The following CCDC171 variants were observed in gnomAD, a reference collection of about 807,000 sequenced individuals.
CCDC171 encodes coiled-coil domain-containing protein 171.
CCDC171 carries 177 observed loss-of-function variants against 168.2 expected under a neutral mutation model. The ratio of observed to expected loss-of-function variants is 1.05; its 90% CI spans 0.93 to 1.19. The LOEUF (loss-of-function observed/expected upper bound fraction) is 1.19, where lower values mean the gene tolerates loss of function less well. Ranked by LOEUF, CCDC171 falls within the 50% of genes most tolerant of loss-of-function variation. The probability of loss-of-function intolerance (pLI) is 0.00; values close to 1 mark genes in which losing one functional copy is unlikely to be tolerated. For synonymous variants in CCDC171, 687 were observed against 540.8 expected (o/e 1.27, Z -3.75); for missense variants, 1,991 against 1,539.0 (o/e 1.29, Z -4.91).
intron 25 of CCDC171, among the ~76,000 whole-genome samples, chr9:15,959,914 C>G (rs983451977): frequency 2.0e-5 from 3 of 152,118 alleles, no homozygotes; most frequent in Non-Finnish European, 2.9e-5. Flanking sequence ...TTTCAGATGA[C>G]AGAAAGGGAA....
At chr9:16,037,196 A>G (rs768257297) in intron 8 of CCDC171, among the ~76,000 whole-genome samples, 1 of 152,238 alleles carries the variant, frequency 6.6e-6, no homozygotes, top group Admixed American at 6.5e-5. Context: ...TGAATATTCT[A>G]TTTACCCTGA....
intron 24 of CCDC171, among the ~76,000 whole-genome samples, chr9:15,902,488 C>G (rs931098192): frequency 2.0e-5 from 3 of 152,040 alleles, no homozygotes; most frequent in Admixed American, 6.5e-5. Flanking sequence ...AACATGAATT[C>G]CCTGATTTAG....
At position 15,784,554 on chromosome 9, in the gene CCDC171, AAT is replaced by A; in HGVS notation, c.3129_3130del (p.Asn1043LysfsTer15). 6.2e-7 allele frequency: 1 copy of A among 1,613,356 alleles called. No individual in the cohort carries two copies. Among genetic ancestry groups the A allele is most frequent in the Non-Finnish European group, 8.5e-7 (1 of 1,179,518 alleles). Reference sequence around the variant, plus strand: ...GTTTGAAAGTGCATGTGAAGAACTAAATAATGCATTACTTCGGGAAGAGCAGG... The same window carrying A: ...GTTTGAAAGTGCATGTGAAGAACTAAAATGCATTACTTCGGGAAGAGCAGG... ...EKFESACEEL[N>X]NALLREEQAQ... On this transcript the variant is annotated frameshift_variant, in exon 21 of 26. Transcript: ENST00000380701. LOFTEE classifies it high-confidence loss of function.
intron 11 of CCDC171, among the ~76,000 whole-genome samples, chr9:15,710,543 C>T (rs1282034041): frequency 1.3e-4 from 20 of 151,868 alleles, no homozygotes; most frequent in Admixed American, 7.2e-4. Flanking sequence ...CCTCATGATC[C>T]GCCCGCCTCG....
At chr9:15,808,135 T>C (rs2059161032) in intron 21 of CCDC171, among the ~76,000 whole-genome samples, 1 of 152,098 alleles carries the variant, frequency 6.6e-6, no homozygotes, top group Admixed American at 6.5e-5. Context: ...TTTGTGAAGC[T>C]GGCAAACTCA....
At chr9:15,794,183 G>A (rs1350012545) in intron 21 of CCDC171, among the ~76,000 whole-genome samples, 2 of 152,110 alleles carry the variant, frequency 1.3e-5, no homozygotes, top group Admixed American at 6.6e-5. Flanking sequence ...AAAAATCATG[G>A]ACCGGGCATA....
At chr9:16,104,358 C>G in the CCDC171 span, among the ~76,000 whole-genome samples, 1 of 152,110 alleles carries the variant, frequency 6.6e-6, no homozygotes, top group African/African-American at 2.4e-5. Context: ...CCTTTCTCTT[C>G]CAGCTGCCCG....
rs575077457 is a variant in CCDC171 at position 15,808,524 on chromosome 9, G to A, written c.3267+23830G>A. 7.2e-5 allele frequency among the ~76,000 whole-genome samples: 11 copies of A among 152,306 alleles called. No individual in the cohort carries two copies. In the South Asian group the frequency reaches 2.3e-3, roughly 32 times the overall value. ...GAAGAAGGGAGAGTGCTAGTAGACT[G>A]GGTGATCAGTGAATGGTCATATAAT... On this transcript the variant is annotated intron_variant, in intron 21 of 25. Coordinates refer to ENST00000380701, the MANE Select transcript of CCDC171 (RefSeq NM_173550.4).
chr9:15,968,089 A>T (rs1233189538), intron 25 of CCDC171, among the ~76,000 whole-genome samples: 3 of 152,210 alleles, frequency 2.0e-5, no homozygotes, highest in Non-Finnish European at 4.4e-5. Context: ...TAGTAGACAC[A>T]TTTTGTATTG....
chr9:15,649,729 C>T (rs1263764115), intron 7 of CCDC171, among the ~76,000 whole-genome samples: 1 of 152,096 alleles, frequency 6.6e-6, no homozygotes, highest in Non-Finnish European at 1.5e-5. Flanking sequence ...GAATGGCAAT[C>T]ATTAAAAAGT....
intron 6 of CCDC171, among the ~76,000 whole-genome samples, chr9:16,028,484 T>TA (rs1189811241): frequency 8.5e-5 from 13 of 152,188 alleles, no homozygotes; most frequent in Admixed American, 7.2e-4. Flanking sequence ...AGATGAAATA[T>TA]AAGACACCCA....
intron 6 of CCDC171, among the ~76,000 whole-genome samples, chr9:16,025,678 A>G (rs1313400470): frequency 2.0e-5 from 3 of 152,230 alleles, no homozygotes; most frequent in Non-Finnish European, 4.4e-5. Flanking sequence ...CTAAGTGAAA[A>G]AAACTAGTCA....
At chr9:15,604,192 G>C (rs2043063153) in intron 6 of CCDC171, among the ~76,000 whole-genome samples, 1 of 151,646 alleles carries the variant, frequency 6.6e-6, no homozygotes, top group African/African-American at 2.4e-5. Flanking sequence ...CTCCCATTCT[G>C]TAGGTTGCCT....
intron 7 of CCDC171, among the ~76,000 whole-genome samples, chr9:15,645,719 C>A (rs141115772): frequency 1.6e-3 from 249 of 152,200 alleles, no homozygotes; most frequent in African/African-American, 5.7e-3. Context: ...AAGAAACGAA[C>A]GGAACGTCCA....
At chr9:15,808,983 G>A (rs776721760) in intron 21 of CCDC171, among the ~76,000 whole-genome samples, 6 of 152,012 alleles carry the variant, frequency 3.9e-5, no homozygotes, top group South Asian at 2.1e-4. Flanking sequence ...GGTGGAAAGC[G>A]GCAAGGCAGC....
chr9:15,612,645 A>C (rs1189514014), intron 6 of CCDC171, among the ~76,000 whole-genome samples: 2 of 150,962 alleles, frequency 1.3e-5, no homozygotes, highest in African/African-American at 4.9e-5. Flanking sequence ...AGTTTTGACT[A>C]TTTTCTTGGT....
the CCDC171 span, among the ~76,000 whole-genome samples, chr9:16,102,566 C>T: frequency 1.3e-5 from 2 of 152,230 alleles, no homozygotes; most frequent in East Asian, 3.9e-4. Flanking sequence ...CTAGAACCTC[C>T]TTAGGCATGG....
chr9:15,633,932 C>G (rs952542761), intron 7 of CCDC171, among the ~76,000 whole-genome samples: 1 of 151,718 alleles, frequency 6.6e-6, no homozygotes, highest in East Asian at 1.9e-4. Flanking sequence ...GAACAACAAA[C>G]GAAACACCGC....
intron 1 of CCDC171, among the ~76,000 whole-genome samples, chr9:16,047,250 C>T (rs950236305): frequency 1.6e-4 from 24 of 152,120 alleles, no homozygotes; most frequent in Non-Finnish European, 3.4e-4. Context: ...CAGTAATCTC[C>T]CTCCAAGTGC....
Sources: allele counts gnomAD v4.1 joint callset (sites outside exome capture counted in the v4.1 genomes callset), GRCh38; gene constraint gnomAD v4.1.1; transcripts MANE v1.5; gene names NCBI Gene and HGNC (gene_info 2026-07-23, HGNC 2026-07-21).